GNG7: variants seen among roughly 807,000 people sequenced by gnomAD.
GNG7 encodes guanine nucleotide-binding protein G(I)/G(S)/G(O) subunit gamma-7.
A neutral mutation model predicts 4.0 loss-of-function variants in GNG7; 1 was observed. The observed-to-expected ratio is 0.25, with a 90% CI of 0.09 to 1.18. The LOEUF is 1.18. Ranked by LOEUF, GNG7 falls within the 50% of genes most tolerant of loss-of-function variation. The pLI is 0.50. For synonymous variants in GNG7, 34 were observed against 36.9 expected (o/e 0.92, Z 0.29); for missense variants, 86 against 91.9 (o/e 0.94, Z 0.26).
At chr19:2,552,025 G>A (rs982110538) in intron 3 of GNG7, among the ~76,000 whole-genome samples, 3 of 152,080 alleles carry the variant, frequency 2.0e-5, no homozygotes, top group Admixed American at 6.6e-5. Flanking sequence ...TTGCATTCCC[G>A]CCTGAGCTCC....
At chr19:2,601,526 C>A (rs1981198917) in intron 2 of GNG7, among the ~76,000 whole-genome samples, 1 of 152,104 alleles carries the variant, frequency 6.6e-6, no homozygotes, top group African/African-American at 2.4e-5. Flanking sequence ...GGCTTCCTGT[C>A]TCCACTGTTT....
At chr19:2,571,524 C>G (rs993074601) in intron 2 of GNG7, among the ~76,000 whole-genome samples, 1 of 151,158 alleles carries the variant, frequency 6.6e-6, no homozygotes, top group African/African-American at 2.4e-5. Flanking sequence ...TTGGAGGGTG[C>G]CTGCAGGCTA....
rs1183048344 is a variant in GNG7, at chr19:2,667,650, C to G, written c.-134-21370G>C. On this transcript the variant is annotated intron_variant, in intron 1 of 4. Coordinates refer to ENST00000382159, the MANE Select transcript of GNG7 (RefSeq NM_052847.3). ...TAAAAGTAGGCCGAGCGCAATGGCT[C>G]ATGCCTGTAATCCCAGCACTTTGGG... 1.1e-4 allele frequency among the ~76,000 whole-genome samples: 16 copies of G among 152,042 alleles called. 1 individual carries two copies. Among genetic ancestry groups the G allele is most frequent in the Admixed American group, 9.8e-4 (15 of 15,252 alleles).
intron 2 of GNG7, chr19:2,643,113 C>G (rs568640027): frequency 5.1e-5 from 23 of 453,602 alleles, no homozygotes; most frequent in African/African-American, 3.8e-4. Flanking sequence ...AATGCTAAGT[C>G]TGAGCCCTCT....
chr19:2,569,776 A>C (rs962369069), intron 2 of GNG7, among the ~76,000 whole-genome samples: 1 of 152,112 alleles, frequency 6.6e-6, no homozygotes, highest in African/African-American at 2.4e-5. Context: ...GGACAACCAC[A>C]GATGTCCCCA....
rs150569216 is a variant in GNG7, at chr19:2,651,010, C to T, written c.-134-4730G>A. 3.7e-3 allele frequency among the ~76,000 whole-genome samples: 557 copies of T among 152,284 alleles called. 2 individuals are homozygous for T. The highest frequency in any genetic ancestry group is 0.024 in the Middle Eastern group (7 of 294). ...GCCCTGGGCACCTATGGGCAGCTGG[C>T]CCTTCCACCCAGCAGGCAGGCAAGT... On this transcript the variant is annotated intron_variant, in intron 1 of 4. Transcript: ENST00000382159.
intron 2 of GNG7, chr19:2,610,344 ATTTAT>A (rs1279374198): frequency 2.6e-5 from 1 of 38,238 alleles, no homozygotes; most frequent in Non-Finnish European, 6.5e-5. Context: ...TTTAATTTTT[ATTTAT>A]TTATTATTAC....
At chr19:2,537,765 G>A (rs1267688153) in intron 3 of GNG7, among the ~76,000 whole-genome samples, 1 of 151,768 alleles carries the variant, frequency 6.6e-6, no homozygotes, top group Admixed American at 6.6e-5. Context: ...CTGCAGGGCT[G>A]ACAAGAAATT....
Position 2,543,876 on chromosome 19 carries a change from C to T in GNG7, c.-38+11273G>A, listed in dbSNP as rs999417455. 1.4e-4 allele frequency among the ~76,000 whole-genome samples: 21 copies of T among 152,270 alleles called. No homozygotes were observed. In the East Asian group the frequency reaches 2.5e-3, roughly 18 times the overall value. ...GGGAGGGGCGGCCGGCCTGCAGCAG[C>T]AACGTGAGAACAGAAGCAACCTTCA... is the stretch of plus-strand genomic sequence containing the variant. On this transcript the variant is annotated intron_variant, in intron 3 of 4. Transcript: ENST00000382159.
At chr19:2,608,635 G>A (rs1222157093) in intron 2 of GNG7, among the ~76,000 whole-genome samples, 1 of 152,222 alleles carries the variant, frequency 6.6e-6, no homozygotes, top group Admixed American at 6.5e-5. Flanking sequence ...AAGGGGCCGG[G>A]TGCCTCCCGG....
chr19:2,554,019 T>TATATAATATATTACACATATGTATATATC (rs1568241485), intron 3 of GNG7, among the ~76,000 whole-genome samples: 1 of 136,602 alleles, frequency 7.3e-6, no homozygotes, highest in African/African-American at 2.9e-5. Context: ...ATTATATGTA[T>TATATAATATATTACACATATGTATATATC]ATATGTATAC....
chr19:2,668,622 A>G (rs1422322019), intron 1 of GNG7, among the ~76,000 whole-genome samples: 1 of 152,168 alleles, frequency 6.6e-6, no homozygotes, highest in East Asian at 1.9e-4. Context: ...CGCTCAATGA[A>G]TGCCTGCTAA....
At chr19:2,670,022 A>G (rs935462688) in intron 1 of GNG7, among the ~76,000 whole-genome samples, 23 of 151,562 alleles carry the variant, frequency 1.5e-4, no homozygotes, top group Admixed American at 1.0e-3. Context: ...AAAAAAAAAA[A>G]AAAGAAAGAA....
At chr19:2,589,287 A>G (rs1980767579) in intron 2 of GNG7, among the ~76,000 whole-genome samples, 2 of 147,598 alleles carry the variant, frequency 1.4e-5, no homozygotes, top group Middle Eastern at 7.4e-3. Flanking sequence ...CAGTGGCGCG[A>G]TATCAGCTCA....
In GNG7 at chr19:2,653,514, T is replaced by G. The variant is rs1371060322; in HGVS notation, c.-134-7234A>C. Among the ~76,000 whole-genome samples, 2 of 152,188 alleles carry G rather than the reference T, an allele frequency of 1.3e-5. No homozygotes were observed. Among genetic ancestry groups the G allele is most frequent in the African/African-American group, 4.8e-5 (2 of 41,436 alleles). ...TTATACCGTCTTCCCCATCAGGAGT[T>G]TATCCTGGTGTCTGGAGTGAGAAGG... On this transcript the variant is annotated intron_variant, in intron 1 of 4. Coordinates refer to ENST00000382159, the MANE Select transcript of GNG7 (RefSeq NM_052847.3). The surrounding 1 kb of genome is among the most constrained non-coding windows in gnomAD (Gnocchi z 4.8).
intron 1 of GNG7, among the ~76,000 whole-genome samples, chr19:2,657,600 AGCTACTGGAGAG>A (rs2144874419): frequency 6.6e-6 from 1 of 150,730 alleles, no homozygotes; most frequent in Admixed American, 6.6e-5. Context: ...CTGTAATCCC[AGCTACTGGAGAG>A]GCTGAGGCAG....
chr19:2,648,820 C>T (rs1252437418), intron 1 of GNG7, among the ~76,000 whole-genome samples: 1 of 151,988 alleles, frequency 6.6e-6, no homozygotes, highest in Non-Finnish European at 1.5e-5. Flanking sequence ...AGACTCCTGC[C>T]CTCCACCTTG....
chr19:2,653,127 G>T lies in GNG7; in HGVS notation c.-134-6847C>A, dbSNP rs1441537777. 6.6e-6 allele frequency among the ~76,000 whole-genome samples: 1 copy of T among 152,000 alleles called. No homozygotes were observed. The highest frequency in any genetic ancestry group is 1.5e-5 in the Non-Finnish European group (1 of 67,996). On this transcript the variant is annotated intron_variant, in intron 1 of 4. Transcript: ENST00000382159. This position sits in a 1 kb window ranked among gnomAD's most constrained non-coding sequence, Gnocchi z 4.8. The stretch of plus-strand genomic sequence containing the variant: ...TCAAAATAAAATAAAATAAATAATA[G>T]AAACTGAAAACAAAAACCAGGCCTC...
At chr19:2,588,668 G>C (rs1599407976) in intron 2 of GNG7, among the ~76,000 whole-genome samples, 1 of 152,306 alleles carries the variant, frequency 6.6e-6, no homozygotes, top group East Asian at 1.9e-4. Flanking sequence ...CGTTCCGTGG[G>C]AACTCCAGAC....
Sources: allele counts gnomAD v4.1 joint callset (sites outside exome capture counted in the v4.1 genomes callset), GRCh38; gene constraint gnomAD v4.1.1; non-coding constraint Gnocchi (gnomAD v3.1); transcripts MANE v1.5; gene names NCBI Gene and HGNC (gene_info 2026-07-23, HGNC 2026-07-21).